The following SPATA21 variants were observed in gnomAD, a reference collection of about 807,000 sequenced individuals.
SPATA21 encodes the protein spermatogenesis-associated protein 21.
SPATA21 carries 47 observed loss-of-function variants against 54.8 expected under a neutral mutation model. The ratio of observed to expected loss-of-function variants is 0.86; its 90% CI spans 0.68 to 1.09. SPATA21 has a LOEUF of 1.09. Among genes scored for constraint, SPATA21 ranks in the 50% least tolerant of loss-of-function variants. The pLI is 0.00. For missense variants in SPATA21, 599 were observed against 596.4 expected, an observed-to-expected ratio of 1.00 and a Z score of -0.05; for synonymous variants, 245 against 235.3, an observed-to-expected ratio of 1.04 and a Z score of -0.38.
rs764876302 is a variant in SPATA21 at position 16,421,598 on chromosome 1, C to A, written c.96-41G>T. The stretch of plus-strand genomic sequence containing the variant: ...ACCCCCAGGTGGGGGAAGCGCTCAG[C>A]TGAAGGTTTGCCCCCCTGCCCTCCC... On this transcript the variant is annotated intron_variant, in intron 4 of 12. Coordinates refer to ENST00000335496, the MANE Select transcript of SPATA21 (RefSeq NM_198546.1). The surrounding 1 kb of genome is among the most constrained non-coding windows in gnomAD (Gnocchi z 5.2). The A allele has an allele frequency of 6.3e-6, 10 of 1,594,938 alleles. No homozygotes were observed. The highest frequency in any genetic ancestry group is 1.3e-5 in the African/African-American group (1 of 74,494).
In SPATA21 at chr1:16,421,887, G is replaced by A; in HGVS notation, c.95+24C>T. On this transcript the variant is annotated intron_variant, in intron 4 of 12. Coordinates refer to ENST00000335496, the MANE Select transcript of SPATA21 (RefSeq NM_198546.1). The surrounding 1 kb of genome is among the most constrained non-coding windows in gnomAD (Gnocchi z 5.2). Reference sequence around the variant, plus strand: ...GAAGAGCATCCTTGTTGGGGGCAGGGGATGGCACTGGATGATGACTTACCC... The same window carrying A: ...GAAGAGCATCCTTGTTGGGGGCAGGAGATGGCACTGGATGATGACTTACCC... 6.2e-7 allele frequency: 1 copy of A among 1,614,202 alleles called. No homozygotes were observed. The highest frequency in any genetic ancestry group is 8.5e-7 in the Non-Finnish European group (1 of 1,180,032).
intron 3 of SPATA21, chr1:16,425,243 G>C (rs1015355844): frequency 6.7e-6 from 4 of 594,526 alleles, no homozygotes; most frequent in Admixed American, 2.1e-5. Context: ...TGTGATGTAG[G>C]CTGGGGGAAT....
downstream of SPATA21, chr1:16,397,550 T>C (rs1435917559): frequency 6.6e-6 from 1 of 152,254 alleles, no homozygotes; most frequent in Non-Finnish European, 1.5e-5. This position sits in a 1 kb window ranked among gnomAD's most constrained non-coding sequence, Gnocchi z 5.4. Flanking sequence ...CTGAGGCTGC[T>C]GCCCCTTTAT....
chr1:16,415,592 C>T (rs1464790799), intron 5 of SPATA21, among the ~76,000 whole-genome samples: 2 of 152,160 alleles, frequency 1.3e-5, no homozygotes, highest in Non-Finnish European at 2.9e-5. Flanking sequence ...CGGAGTCTCG[C>T]TCTGTCACCC....
chr1:16,435,619 C>CG (rs2086567767), intron 1 of SPATA21, among the ~76,000 whole-genome samples: 1 of 150,558 alleles, frequency 6.6e-6, no homozygotes, highest in Non-Finnish European at 1.5e-5. Context: ...GCCCGGCCCC[C>CG]CCCTTTTTTT....
rs61769432 is a variant in SPATA21, at chr1:16,399,541, A to G, written c.1175-20T>C. 0.11 allele frequency: 175,464 copies of G among 1,608,248 alleles called. 10,780 individuals carry two copies. The highest frequency in any genetic ancestry group is 0.13 in the Non-Finnish European group (150,759 of 1,177,424). Reference sequence around the variant, plus strand: ...TGGGAGCTGGTGAAGAAGGAGGCAGAAGGAGGAATGCTTCACAGCATGCCC... The same window carrying G: ...TGGGAGCTGGTGAAGAAGGAGGCAGGAGGAGGAATGCTTCACAGCATGCCC... On this transcript the variant is annotated intron_variant, in intron 11 of 12. Coordinates refer to ENST00000335496, the MANE Select transcript of SPATA21 (RefSeq NM_198546.1).
At chr1:16,412,975 G>A (rs976419511) in intron 5 of SPATA21, among the ~76,000 whole-genome samples, 6 of 151,818 alleles carry the variant, frequency 4.0e-5, no homozygotes, top group Non-Finnish European at 5.9e-5. Context: ...GTAGAGACAA[G>A]GTTTCACCAT....
chr1:16,431,416 T>C lies in SPATA21; in HGVS notation c.-45A>G. 6.2e-7 allele frequency: 1 copy of C among 1,612,170 alleles called. No homozygotes were observed. On this transcript the variant is annotated 5_prime_UTR_variant, in exon 3 of 13. Transcript: ENST00000335496. ...GTGCCAAGTGAGGGGCATCACCTAG[T>C]GTGCTCCTACAGGAGAAATCCAATC...
intron 3 of SPATA21, chr1:16,425,531 C>T (rs1216076432): frequency 6.5e-7 from 1 of 1,548,636 alleles, no homozygotes; most frequent in Non-Finnish European, 8.7e-7. Flanking sequence ...TACCTGGCAG[C>T]TCTCAGGAGG....
At chr1:16,403,483 CTTTT>C (rs1229942098) in intron 10 of SPATA21, among the ~76,000 whole-genome samples, 12 of 117,112 alleles carry the variant, frequency 1.0e-4, no homozygotes, top group Non-Finnish European at 1.5e-4. Context: ...TAGTTTTTTT[CTTTT>C]TTTTCTTTTT....
At chr1:16,408,089 G>A (rs681474) in intron 7 of SPATA21, among the ~76,000 whole-genome samples, 58,356 of 152,030 alleles carry the variant, frequency 0.38, 11,985 homozygotes, top group East Asian at 0.68. Flanking sequence ...TTTAATACTA[G>A]AAGGGGTGAA....
intron 3 of SPATA21, chr1:16,425,446 G>T: frequency 9.1e-6 from 13 of 1,422,538 alleles, no homozygotes; most frequent in Non-Finnish European, 1.2e-5. Flanking sequence ...AGAATGGGGG[G>T]CATGATAGGA....
Position 16,403,857 on chromosome 1 carries a change from G to T in SPATA21, c.884-13C>A, listed in dbSNP as rs752208436. The T allele has an allele frequency of 1.2e-6, 2 of 1,609,498 alleles. No individual in the cohort carries two copies. Among genetic ancestry groups the T allele is most frequent in the South Asian group, 2.2e-5 (2 of 90,530 alleles). On this transcript the variant is annotated splice_polypyrimidine_tract_variant and intron_variant, in intron 9 of 12. Coordinates refer to ENST00000335496, the MANE Select transcript of SPATA21 (RefSeq NM_198546.1). ...AGGGCGTTCTGTTCTGGAGACATGG[G>T]ATAGTGGCTGCCGTTACCACTGGGC...
At position 16,403,720 on chromosome 1, in the gene SPATA21, C is replaced by T. The variant is rs1201637716; in HGVS notation, c.1001+7G>A. The T allele has an allele frequency of 6.2e-7, 1 of 1,610,900 alleles. No homozygotes were observed. Among genetic ancestry groups the T allele is most frequent in the East Asian group, 2.2e-5 (1 of 44,862 alleles). ...ACCCTTCACCCCCAACAACCGGCCC[C>T]ACTCACTTTGTGATTTCCTCTAAGA... On this transcript the variant is annotated splice_region_variant and intron_variant, in intron 10 of 12. Transcript: ENST00000335496.
intron 3 of SPATA21, chr1:16,425,733 T>G (rs2086301568): frequency 6.5e-7 from 1 of 1,546,950 alleles, no homozygotes; most frequent in Non-Finnish European, 8.7e-7. Flanking sequence ...TGTTTCTTCC[T>G]GGGGAAAATA....
chr1:16,409,297 C>A lies in SPATA21; in HGVS notation c.588-94G>T. 7.2e-7 allele frequency: 1 copy of A among 1,390,368 alleles called. No homozygotes were observed. Among genetic ancestry groups the A allele is most frequent in the South Asian group, 1.2e-5 (1 of 83,938 alleles). 86.1% of individuals were successfully genotyped at this position (1,390,368 alleles called of 1,614,324 possible). Reference sequence around the variant, plus strand: ...GTTGGGGGAGCCTGCAGGAGGAGGTCGTGGGGGAGGCTTTGGGGAGCCCGG... The same window carrying A: ...GTTGGGGGAGCCTGCAGGAGGAGGTAGTGGGGGAGGCTTTGGGGAGCCCGG... On this transcript the variant is annotated intron_variant, in intron 6 of 12. Coordinates refer to ENST00000335496, the MANE Select transcript of SPATA21 (RefSeq NM_198546.1). This position sits in a 1 kb window ranked among gnomAD's most constrained non-coding sequence, Gnocchi z 4.1.
intron 2 of SPATA21, 135 bp from the exon 3 acceptor site, chr1:16,431,557 C>T (rs112304898): frequency 2.2e-4 from 166 of 749,832 alleles, no homozygotes; most frequent in African/African-American, 2.0e-3. Flanking sequence ...AGGAGAGGCA[C>T]GCAGCAAAAC....
At chr1:16,427,444 G>A (rs2086352486) in intron 3 of SPATA21, among the ~76,000 whole-genome samples, 1 of 151,910 alleles carries the variant, frequency 6.6e-6, no homozygotes, top group Admixed American at 6.6e-5. Flanking sequence ...CATTCTTGCT[G>A]TAGAAAAGTT....
intron 3 of SPATA21, among the ~76,000 whole-genome samples, chr1:16,426,581 T>TG (rs1341237564): frequency 1.5e-5 from 1 of 67,764 alleles, no homozygotes; most frequent in African/African-American, 5.7e-5. Context: ...ATATATATAT[T>TG]TTTTTTTTTT....
Sources: allele counts gnomAD v4.1 joint callset (sites outside exome capture counted in the v4.1 genomes callset), GRCh38; gene constraint gnomAD v4.1.1; non-coding constraint Gnocchi (gnomAD v3.1); transcripts MANE v1.5; gene names NCBI Gene and HGNC (gene_info 2026-07-23, HGNC 2026-07-21).